Variants in GPR149 observed in about 807,000 individuals in gnomAD.
The protein encoded by GPR149 is probable G protein-coupled receptor 149.
A neutral mutation model predicts 50.2 loss-of-function variants in GPR149; 50 were observed. The observed-to-expected ratio is 1.00, with a 90% CI of 0.79 to 1.26. The LOEUF (loss-of-function observed/expected upper bound fraction) is 1.26, where lower values mean the gene tolerates loss of function less well. Among genes scored for constraint, GPR149 ranks in the 50% most tolerant of loss-of-function variants. The probability of loss-of-function intolerance (pLI) is 0.00; values close to 1 mark genes in which losing one functional copy is unlikely to be tolerated. For synonymous variants in GPR149, 405 were observed against 358.2 expected, an observed-to-expected ratio of 1.13 and a Z score of -1.48; for missense variants, 983 against 895.4, an observed-to-expected ratio of 1.10 and a Z score of -1.25.
intron 3 of GPR149, among the ~76,000 whole-genome samples, chr3:154,347,842 A>G (rs1713972298): frequency 6.6e-6 from 1 of 152,208 alleles, no homozygotes; most frequent in South Asian, 2.1e-4. Flanking sequence ...CGTGGAAAGA[A>G]AAAACAAGAT....
At position 154,428,698 on chromosome 3, in the gene GPR149, T is replaced by G. The variant is rs771946040; in HGVS notation, c.918A>C (p.Val306=). ...GGATCAAAGCGAAGCGCTTCTGCGC[T>G]ACGCTCACGGTGAAGCTCCTGGTGC... ...LYGTRSFTVS[V]AQKRFALILA... is the part of the protein sequence containing the mutation. Residue 306 remains valine (V), a synonymous_variant, in exon 1 of 4, where the codon GTA becomes GTC. Transcript: ENST00000389740. 1.1e-5 allele frequency: 18 copies of G among 1,614,056 alleles called. No individual in the cohort carries two copies. Among genetic ancestry groups the G allele is most frequent in the Admixed American group, 8.3e-5 (5 of 60,010 alleles).
At chr3:154,424,987 C>T (rs1712254029) in intron 2 of GPR149, among the ~76,000 whole-genome samples, 1 of 151,652 alleles carries the variant, frequency 6.6e-6, no homozygotes, top group Admixed American at 6.6e-5. Flanking sequence ...GTCTGAAAGC[C>T]ATATCCAAAC....
chr3:154,422,708 A>T (rs1712180495), intron 2 of GPR149, among the ~76,000 whole-genome samples: 1 of 151,814 alleles, frequency 6.6e-6, no homozygotes, highest in East Asian at 1.9e-4. Context: ...GCCAGAACAC[A>T]AACAAGAACA....
intron 3 of GPR149, among the ~76,000 whole-genome samples, chr3:154,381,371 T>C (rs1714920502): frequency 6.6e-6 from 1 of 152,168 alleles, no homozygotes; most frequent in Non-Finnish European, 1.5e-5. Flanking sequence ...ATACTTGCTT[T>C]TCTGATAACT....
intron 2 of GPR149, 147 bp from the exon 3 acceptor site, chr3:154,421,634 C>T: frequency 2.0e-6 from 1 of 497,888 alleles, no homozygotes; most frequent in Non-Finnish European, 3.4e-6. Context: ...GTCAGTTATG[C>T]AAAGAAATTA....
At chr3:154,423,071 A>G (rs1712191530) in intron 2 of GPR149, among the ~76,000 whole-genome samples, 1 of 151,894 alleles carries the variant, frequency 6.6e-6, no homozygotes, top group Admixed American at 6.6e-5. Context: ...TAAAGCAAAA[A>G]TTAGTAATGT....
chr3:154,392,616 A>C (rs1210627063), intron 3 of GPR149, among the ~76,000 whole-genome samples: 1 of 151,864 alleles, frequency 6.6e-6, no homozygotes, highest in Non-Finnish European at 1.5e-5. Flanking sequence ...ATAGAATAAA[A>C]ATGTGACAAA....
chr3:154,360,773 T>C (rs1714360657), intron 3 of GPR149, among the ~76,000 whole-genome samples: 1 of 152,186 alleles, frequency 6.6e-6, no homozygotes, highest in African/African-American at 2.4e-5. Context: ...TATAGTAATT[T>C]CTAGGTAGTA....
At chr3:154,387,958 T>A (rs2108410431) in intron 3 of GPR149, among the ~76,000 whole-genome samples, 1 of 152,276 alleles carries the variant, frequency 6.6e-6, no homozygotes, top group South Asian at 2.1e-4. Flanking sequence ...AGTCTAAGCA[T>A]AGCTTATTTT....
intron 3 of GPR149, among the ~76,000 whole-genome samples, chr3:154,388,504 T>A (rs1001999433): frequency 6.6e-6 from 1 of 152,266 alleles, no homozygotes; most frequent in South Asian, 2.1e-4. Context: ...TTTTTCTTAG[T>A]TTCTATATAC....
At chr3:154,391,523 G>GA (rs961557890) in intron 3 of GPR149, among the ~76,000 whole-genome samples, 1 of 150,126 alleles carries the variant, frequency 6.7e-6, no homozygotes, top group African/African-American at 2.4e-5. Context: ...ATACAGCAAG[G>GA]AAAAAAAGAT....
chr3:154,340,894 G>T (rs1713776205), intron 3 of GPR149, among the ~76,000 whole-genome samples: 1 of 152,094 alleles, frequency 6.6e-6, no homozygotes, highest in Non-Finnish European at 1.5e-5. Context: ...GCTAGTTTCT[G>T]TATTTTTAGT....
Position 154,394,434 on chromosome 3 carries a change from A to G in GPR149, c.1623+26605T>C, listed in dbSNP as rs115804824. On this transcript the variant is annotated intron_variant, in intron 3 of 3. Transcript: ENST00000389740. ...TAAACATAAGTCCTGAAACTGTAAA[A>G]CTATCAGAAGAAAATATAGGGAAAA... Among the ~76,000 whole-genome samples the G allele has an allele frequency of 9.3e-3, 1,419 of 152,202 alleles. 12 individuals are homozygous for G. The highest frequency in any genetic ancestry group is 0.033 in the African/African-American group (1,351 of 41,558).
chr3:154,397,951 A>AGTATTCTG (rs1219791775), intron 3 of GPR149, among the ~76,000 whole-genome samples: 1 of 152,160 alleles, frequency 6.6e-6, no homozygotes, highest in African/African-American at 2.4e-5. Context: ...AATCAACCAA[A>AGTATTCTG]GTATTCTGTG....
chr3:154,424,915 T>C (rs1369132559), intron 2 of GPR149, among the ~76,000 whole-genome samples: 1 of 151,612 alleles, frequency 6.6e-6, no homozygotes, highest in Non-Finnish European at 1.5e-5. Context: ...CTGTTTTTTA[T>C]ACAATGTGTT....
intron 3 of GPR149, among the ~76,000 whole-genome samples, chr3:154,360,204 T>C (rs1181369059): frequency 1.1e-4 from 17 of 152,234 alleles, no homozygotes; most frequent in South Asian, 2.1e-4. Flanking sequence ...AGGGGATCTG[T>C]GGTCAAAACC....
intron 3 of GPR149, among the ~76,000 whole-genome samples, chr3:154,358,386 G>A (rs201151236): frequency 7.2e-5 from 11 of 152,100 alleles, no homozygotes; most frequent in Non-Finnish European, 1.0e-4. Context: ...TGGCTATTTT[G>A]GCAAAGTAGC....
intron 3 of GPR149, among the ~76,000 whole-genome samples, chr3:154,377,991 T>C (rs1362185428): frequency 2.6e-5 from 4 of 152,096 alleles, no homozygotes; most frequent in Non-Finnish European, 5.9e-5. Flanking sequence ...TTACTTTGCA[T>C]ACTGTTTTTG....
intron 3 of GPR149, among the ~76,000 whole-genome samples, chr3:154,343,645 G>T (rs940434553): frequency 6.6e-6 from 1 of 152,108 alleles, no homozygotes; most frequent in Non-Finnish European, 1.5e-5. Flanking sequence ...CTCAACTGGG[G>T]TATAGCTAAT....
Sources: allele counts gnomAD v4.1 joint callset (sites outside exome capture counted in the v4.1 genomes callset), GRCh38; gene constraint gnomAD v4.1.1; transcripts MANE v1.5; gene names NCBI Gene and HGNC (gene_info 2026-07-23, HGNC 2026-07-21).